The following FER variants were observed in gnomAD, a reference collection of about 807,000 sequenced individuals.
FER encodes the protein FER tyrosine kinase.
Under a neutral mutation model 111.0 loss-of-function variants are expected in FER, and 63 were observed. That is an observed-to-expected ratio of 0.57 (90% CI 0.46 to 0.70). The LOEUF is 0.70. FER is among the 30% of genes least tolerant of loss of function. The pLI, the probability that FER is intolerant of heterozygous loss-of-function variation, is 0.00. For synonymous variants in FER, 327 were observed against 313.9 expected, an observed-to-expected ratio of 1.04 and a Z score of -0.44; for missense variants, 914 against 954.0, an observed-to-expected ratio of 0.96 and a Z score of 0.55.
chr5:109,169,855 T>C (rs1329825033), intron 17 of FER, among the ~76,000 whole-genome samples: 2 of 152,160 alleles, frequency 1.3e-5, no homozygotes, highest in African/African-American at 4.8e-5. Flanking sequence ...TAGTCCATTA[T>C]TGGCACTCTT....
chr5:108,973,184 C>T (rs1050988142), intron 13 of FER, among the ~76,000 whole-genome samples: 1 of 152,078 alleles, frequency 6.6e-6, no homozygotes, highest in African/African-American at 2.4e-5. Flanking sequence ...GAATGATATA[C>T]AAGAACAGAC....
At chr5:108,896,883 G>T (rs1462236264) in intron 9 of FER, among the ~76,000 whole-genome samples, 1 of 152,038 alleles carries the variant, frequency 6.6e-6, no homozygotes, top group Non-Finnish European at 1.5e-5. Flanking sequence ...TGCATGGCAC[G>T]GTCCTTTTTG....
At chr5:108,898,829 T>C (rs1484797119) in intron 10 of FER, among the ~76,000 whole-genome samples, 1 of 151,468 alleles carries the variant, frequency 6.6e-6, no homozygotes, top group Non-Finnish European at 1.5e-5. Flanking sequence ...CCAGATCTAG[T>C]GGGTAGAGAT....
intron 11 of FER, among the ~76,000 whole-genome samples, chr5:108,947,616 T>A (rs1757158213): frequency 6.6e-6 from 1 of 152,124 alleles, no homozygotes; most frequent in African/African-American, 2.4e-5. Flanking sequence ...ACAAATGTTT[T>A]TTCTCACCCT....
At chr5:108,808,348 G>C (rs1475762175) in intron 3 of FER, among the ~76,000 whole-genome samples, 1 of 151,700 alleles carries the variant, frequency 6.6e-6, no homozygotes. Context: ...TTTATCATTA[G>C]TATCATTATT....
chr5:108,944,949 A>C (rs988639739), intron 10 of FER, among the ~76,000 whole-genome samples: 1 of 151,180 alleles, frequency 6.6e-6, no homozygotes, highest in African/African-American at 2.4e-5. Flanking sequence ...TTTATCCCCT[A>C]ACTGGACCTC....
chr5:108,898,063 G>A (rs560235442), intron 10 of FER, among the ~76,000 whole-genome samples: 5 of 152,228 alleles, frequency 3.3e-5, no homozygotes, highest in Admixed American at 3.3e-4. Context: ...AGAGGAAAAA[G>A]TTCTTCTCTT....
chr5:109,051,985 CTGA>C, intron 16 of FER: 1 of 1,586,858 alleles, frequency 6.3e-7, no homozygotes, highest in Admixed American at 1.7e-5. Context: ...GAAGAGGATA[CTGA>C]TGATGTAGGT....
At position 109,189,389 on chromosome 5, in the gene FER, C is replaced by CTGTT. The variant is rs1242437530; in HGVS notation, c.*1817_*1820dup. On this transcript the variant is annotated 3_prime_UTR_variant, in exon 20 of 20. Coordinates refer to ENST00000281092, the MANE Select transcript of FER (RefSeq NM_005246.4). ...AGAAAATGCCTCCTGCCCTCTCCAG[C>CTGTT]TGTTTGCTGCCTGTACCATCGCACA... 7 of 152,368 alleles carry CTGTT rather than the reference C, an allele frequency of 4.6e-5. No individual in the cohort carries two copies. The East Asian group carries it at 7.7e-4, about 17-fold the overall frequency. The allele number at this position is 152,368 out of a possible 1,614,324, so 9.4% of individuals were successfully genotyped here. A position where few individuals can be genotyped will look rare whatever the true frequency, so the allele number is the denominator to read the frequency against.
At chr5:109,109,673 C>A (rs1749363483) in intron 17 of FER, among the ~76,000 whole-genome samples, 1 of 152,094 alleles carries the variant, frequency 6.6e-6, no homozygotes, top group African/African-American at 2.4e-5. Flanking sequence ...AAGAAGAAAC[C>A]ACACACGCCC....
chr5:108,961,230 A>C (rs1759106971), intron 13 of FER, among the ~76,000 whole-genome samples: 1 of 152,234 alleles, frequency 6.6e-6, no homozygotes, highest in African/African-American at 2.4e-5. Context: ...AGGATTTCAG[A>C]GATACTGATG....
chr5:108,898,521 T>C (rs1749492505), intron 10 of FER, among the ~76,000 whole-genome samples: 1 of 146,744 alleles, frequency 6.8e-6, no homozygotes, highest in African/African-American at 2.5e-5. Flanking sequence ...TTCTCCTTCT[T>C]CCTTCCTTTC....
chr5:108,802,562 T>G (rs186938058), intron 3 of FER, among the ~76,000 whole-genome samples: 199 of 152,086 alleles, frequency 1.3e-3, no homozygotes, highest in African/African-American at 4.3e-3. Flanking sequence ...TTTATATCCT[T>G]GTGTACCCAA....
Position 109,192,676 on chromosome 5 carries a change from A to C in FER, c.*5101A>C, listed in dbSNP as rs960094327. The C allele has an allele frequency of 1.3e-5, 2 of 152,148 alleles. No homozygotes were observed. The highest frequency in any genetic ancestry group is 2.4e-5 in the African/African-American group (1 of 41,438). The allele number at this position is 152,148 out of a possible 1,614,324, so 9.4% of individuals were successfully genotyped here. A position where few individuals can be genotyped will look rare whatever the true frequency, so the allele number is the denominator to read the frequency against. ...GAAATCTTTGGTTACAGTGAGGCTT[A>C]ACCTGGGCTAAAGTCTCCTAAATGG... is the stretch of plus-strand genomic sequence containing the variant. On this transcript the variant is annotated 3_prime_UTR_variant, in exon 20 of 20. Coordinates refer to ENST00000281092, the MANE Select transcript of FER (RefSeq NM_005246.4).
intron 10 of FER, among the ~76,000 whole-genome samples, chr5:108,915,398 G>A (rs1752135220): frequency 6.6e-6 from 1 of 152,176 alleles, no homozygotes; most frequent in African/African-American, 2.4e-5. Flanking sequence ...CTTGAACCCA[G>A]GAGGCAGAGG....
chr5:108,901,790 A>G lies in FER; in HGVS notation c.1236+3942A>G, dbSNP rs112526488. ...AACATGGCAAAACCTTGTCTCTACA[A>G]ATATATAAAAATTAGTCGGGTGTGG... On this transcript the variant is annotated intron_variant, in intron 10 of 19. Transcript: ENST00000281092. Among the ~76,000 whole-genome samples, 1,041 of 152,222 alleles carry G rather than the reference A, an allele frequency of 6.8e-3. 12 individuals are homozygous for G. Among genetic ancestry groups the G allele is most frequent in the African/African-American group, 0.023 (974 of 41,532 alleles).
intron 16 of FER, among the ~76,000 whole-genome samples, chr5:109,067,066 G>A (rs17450082): frequency 0.023 from 3,516 of 152,282 alleles, 52 homozygotes; most frequent in Middle Eastern, 0.065. Flanking sequence ...GGTGGGAGAA[G>A]GCTTTTGTGT....
chr5:108,888,989 A>AT (rs1293295878), intron 9 of FER, among the ~76,000 whole-genome samples: 5 of 151,884 alleles, frequency 3.3e-5, no homozygotes, highest in Non-Finnish European at 5.9e-5. Flanking sequence ...TGAGTATCTA[A>AT]TTGATTGCCA....
At chr5:108,978,582 T>A (rs929820135) in intron 13 of FER, among the ~76,000 whole-genome samples, 30 of 152,350 alleles carry the variant, frequency 2.0e-4, no homozygotes, top group African/African-American at 5.8e-4. Flanking sequence ...AATTATTTTT[T>A]AAAAATACTT....
Sources: gnomAD v4.1 joint callset for allele counts (sites outside exome capture counted in the v4.1 genomes callset) on GRCh38, gnomAD v4.1.1 for gene constraint, MANE v1.5 for transcripts, NCBI Gene and HGNC (gene_info 2026-07-23, HGNC 2026-07-21) for gene names.